The following IRAG2 variants were observed in gnomAD, a reference collection of about 807,000 sequenced individuals.
IRAG2 encodes inositol 1,4,5-triphosphate receptor associated 2, also known as lymphoid restricted membrane protein.
In IRAG2, 45 loss-of-function variants were observed where a neutral mutation model predicts 69.9. The observed-to-expected ratio is 0.64, with a 90% confidence interval of 0.51 to 0.83. IRAG2 has a LOEUF of 0.83. Ranked by LOEUF, IRAG2 falls within the 40% of genes least tolerant of loss-of-function variation. The pLI, the probability that IRAG2 is intolerant of heterozygous loss-of-function variation, is 0.00. For synonymous variants in IRAG2, 193 were observed against 202.4 expected, an observed-to-expected ratio of 0.95 and a Z score of 0.40; for missense variants, 520 against 587.0, an observed-to-expected ratio of 0.89 and a Z score of 1.18.
chr12:25,049,032 T>G (rs536715633), upstream of IRAG2, among the ~76,000 whole-genome samples: 3 of 152,342 alleles, frequency 2.0e-5, no homozygotes, highest in Admixed American at 2.0e-4. Context: ...TTTTGTCAGG[T>G]TTGTCAAAGA....
chr12:25,087,838 C>T (rs1312100969), intron 10 of IRAG2, among the ~76,000 whole-genome samples: 2 of 152,116 alleles, frequency 1.3e-5, no homozygotes, highest in African/African-American at 2.4e-5. Flanking sequence ...GCAAGCGAGC[C>T]ATCTAGATTG....
At chr12:25,011,698 G>C (rs943043298) in intron 3 of IRAG2, 1 of 506,480 alleles carries the variant, frequency 2.0e-6, no homozygotes, top group African/African-American at 2.0e-5. Context: ...TGTTAAACCT[G>C]ATTGCTGGGG....
intron 1 of IRAG2, among the ~76,000 whole-genome samples, chr12:25,057,230 A>T (rs1166994977): frequency 6.9e-6 from 1 of 143,926 alleles, no homozygotes; most frequent in Non-Finnish European, 1.5e-5. Flanking sequence ...ATAGGTAGGT[A>T]GGTAGGTAGA....
At chr12:24,999,090 CAA>C in the IRAG2 span, among the ~76,000 whole-genome samples, 1 of 152,082 alleles carries the variant, frequency 6.6e-6, no homozygotes, top group Non-Finnish European at 1.5e-5. Context: ...TTGATAAACA[CAA>C]ATTATGTCAT....
Position 25,071,941 on chromosome 12 carries a change from C to T in IRAG2, c.24+2510C>T, listed in dbSNP as rs111358856. On this transcript the variant is annotated intron_variant, in intron 6 of 21. Coordinates refer to ENST00000556887, the MANE Select transcript of IRAG2 (RefSeq NM_001366544.2). ...GAGCTGGGCTGGGCGCAGTGGCACACGCCTGTAATCCCAGCACTTTGGGAG... is the reference window on the plus strand; with the variant it reads ...GAGCTGGGCTGGGCGCAGTGGCACATGCCTGTAATCCCAGCACTTTGGGAG... Among the ~76,000 whole-genome samples, 504 of 152,234 alleles carry T rather than the reference C, an allele frequency of 3.3e-3. 7 individuals carry two copies. The highest frequency in any genetic ancestry group is 0.011 in the African/African-American group (475 of 41,540).
At chr12:25,080,319 AAATC>A (rs977674282) in intron 9 of IRAG2, among the ~76,000 whole-genome samples, 1 of 152,048 alleles carries the variant, frequency 6.6e-6, no homozygotes. Flanking sequence ...CCATAAAAAA[AAATC>A]AATCAAGGAA....
At chr12:25,010,039 C>A (rs1262896907) in intron 2 of IRAG2, among the ~76,000 whole-genome samples, 1 of 152,144 alleles carries the variant, frequency 6.6e-6, no homozygotes, top group African/African-American at 2.4e-5. Context: ...TATGTAGGTA[C>A]CCATTGATAC....
At chr12:25,069,490 C>A in intron 6 of IRAG2, 59 bp downstream of exon 6, 1 of 1,397,078 alleles carries the variant, frequency 7.2e-7, no homozygotes, top group Non-Finnish European at 1.0e-6. Context: ...TGTTCTTCTT[C>A]TATGGGTATT....
At chr12:25,053,046 G>C in intron 1 of IRAG2, 90 bp downstream of exon 1, 1 of 397,138 alleles carries the variant, frequency 2.5e-6, no homozygotes, top group Non-Finnish European at 4.4e-6. Flanking sequence ...TTACAGCTAG[G>C]ATATTATTCC....
intron 11 of IRAG2, chr12:25,032,245 G>C (rs1372338593): frequency 5.0e-6 from 2 of 398,890 alleles, no homozygotes; most frequent in African/African-American, 4.1e-5. Context: ...AGGTGGGCTT[G>C]TTAAATGTAA....
chr12:25,045,852 A>T (rs943362789), intron 16 of IRAG2, among the ~76,000 whole-genome samples: 4 of 8,946 alleles, frequency 4.5e-4, no homozygotes, highest in African/African-American at 1.7e-4. Context: ...AAAAGATAAA[A>T]AAAAAAAAAA....
At chr12:25,045,208 A>G (rs1054672914) in intron 16 of IRAG2, among the ~76,000 whole-genome samples, 1 of 152,120 alleles carries the variant, frequency 6.6e-6, no homozygotes, top group African/African-American at 2.4e-5. Flanking sequence ...ACAAATGAAA[A>G]CAAAAGCACA....
At chr12:25,043,190 T>C (rs1241023364) in intron 16 of IRAG2, among the ~76,000 whole-genome samples, 1 of 152,144 alleles carries the variant, frequency 6.6e-6, no homozygotes. Context: ...TCATCAAGGC[T>C]GGTAGGAAAA....
chr12:25,101,353 A>G, intron 16 of IRAG2, 28 bp downstream of exon 16: 4 of 1,503,552 alleles, frequency 2.7e-6, no homozygotes, highest in Non-Finnish European at 3.6e-6. Flanking sequence ...TAATAGTATT[A>G]GTTGTGTTTT....
In IRAG2 at chr12:25,012,143, C is replaced by CTTTTTTTTTTTTTTTTTTTTTTTTTT. The variant is rs1944480147; in HGVS notation, c.896+592_896+593insTTTTTTTTTTTTTTTTTTTTTTTTTT. Reference sequence around the variant, plus strand: ...GTCTTCTTCCACAGAAAGCGAATTCCCTTTTTTTTTTTTTTTTTTTTTTTT... The same window carrying CTTTTTTTTTTTTTTTTTTTTTTTTTT: ...GTCTTCTTCCACAGAAAGCGAATTCCTTTTTTTTTTTTTTTTTTTTTTTTTTCTTTTTTTTTTTTTTTTTTTTTTTT... On this transcript the variant is annotated intron_variant, in intron 3 of 38. Transcript: ENST00000636465. Among the ~76,000 whole-genome samples, 4 of 24,096 alleles carry CTTTTTTTTTTTTTTTTTTTTTTTTTT rather than the reference C, an allele frequency of 1.7e-4. 2 individuals are homozygous for CTTTTTTTTTTTTTTTTTTTTTTTTTT. The allele number at this position is 24,096 out of a possible 152,430, so 15.8% of individuals were successfully genotyped here. A position where few individuals can be genotyped will look rare whatever the true frequency, so the allele number is the denominator to read the frequency against.
chr12:25,002,744 C>T (rs779049216), upstream of IRAG2, among the ~76,000 whole-genome samples: 44 of 151,678 alleles, frequency 2.9e-4, no homozygotes, highest in Non-Finnish European at 5.3e-4. Context: ...AATGTTGAAG[C>T]GATTCTCCTG....
At position 25,036,622 on chromosome 12, in the gene IRAG2, ACT is replaced by A. The variant is rs1190593672; in HGVS notation, c.1920_1921del (p.Arg641ThrfsTer5). ...TCTAAAATTGCAACCCTCATTGAAAACTCTCGACGGTGGGTAACTAATCCAGA... is the reference window on the plus strand; with the variant it reads ...TCTAAAATTGCAACCCTCATTGAAAACTCGACGGTGGGTAACTAATCCAGA... On this transcript the variant is annotated frameshift_variant, in exon 15 of 39. Transcript: ENST00000636465. LOFTEE classifies it high-confidence loss of function. The A allele has an allele frequency of 1.3e-5, 5 of 398,580 alleles. No homozygotes were observed. Among genetic ancestry groups the A allele is most frequent in the Non-Finnish European group, 8.9e-6 (2 of 225,970 alleles). 24.7% of individuals were successfully genotyped at this position (398,580 alleles called of 1,614,324 possible).
intron 15 of IRAG2, among the ~76,000 whole-genome samples, chr12:25,099,297 G>C (rs143475674): frequency 3.9e-5 from 6 of 152,216 alleles, no homozygotes; most frequent in Non-Finnish European, 7.4e-5. Flanking sequence ...CCATGCATAA[G>C]CTCCTTACTT....
intron 9 of IRAG2, among the ~76,000 whole-genome samples, chr12:25,082,591 C>A (rs1947294164): frequency 1.7e-5 from 2 of 117,264 alleles, no homozygotes; most frequent in African/African-American, 2.9e-5. Flanking sequence ...CAGAGTGAGA[C>A]CCTGTCTCAA....
Sources: gnomAD v4.1 joint callset for allele counts (sites outside exome capture counted in the v4.1 genomes callset) on GRCh38, gnomAD v4.1.1 for gene constraint, MANE v1.5 for transcripts, NCBI Gene and HGNC (gene_info 2026-07-23, HGNC 2026-07-21) for gene names.